ATXN1: variants seen among roughly 807,000 people sequenced by gnomAD.
ATXN1 encodes the protein ataxin-1.
Under a neutral mutation model 56.4 loss-of-function variants are expected in ATXN1, and 8 were observed. The observed-to-expected ratio is 0.14, with a 90% CI of 0.08 to 0.26. The LOEUF is 0.26. Among genes scored for constraint, ATXN1 ranks in the 10% least tolerant of loss-of-function variants. The pLI is 1.00. For synonymous variants in ATXN1, 514 were observed against 494.6 expected (o/e 1.04, Z -0.52); for missense variants, 987 against 1,106.5 (o/e 0.89, Z 1.53).
chr6:16,367,039 C>T (rs1561869069), intron 6 of ATXN1, among the ~76,000 whole-genome samples: 1 of 152,142 alleles, frequency 6.6e-6, no homozygotes, highest in Non-Finnish European at 1.5e-5. Flanking sequence ...CTCTCAATTA[C>T]CCTGGGGGAA....
At chr6:16,400,359 C>A (rs1202567371) in intron 6 of ATXN1, among the ~76,000 whole-genome samples, 2 of 152,064 alleles carry the variant, frequency 1.3e-5, no homozygotes, top group African/African-American at 4.8e-5. Context: ...ACCTCCCAAG[C>A]CCCTGTTCAG....
At chr6:16,528,992 A>G (rs1026792830) in intron 4 of ATXN1, among the ~76,000 whole-genome samples, 3 of 152,280 alleles carry the variant, frequency 2.0e-5, no homozygotes, top group African/African-American at 7.2e-5. Flanking sequence ...CAGCCTGGGC[A>G]ACATGGTGAA....
intron 4 of ATXN1, among the ~76,000 whole-genome samples, chr6:16,583,921 C>T (rs543980450): frequency 6.6e-6 from 1 of 152,208 alleles, no homozygotes; most frequent in Admixed American, 6.5e-5. Context: ...ATGGTTCATG[C>T]CAATACCCTA....
chr6:16,497,481 G>A (rs1161997645), intron 5 of ATXN1, among the ~76,000 whole-genome samples: 1 of 152,196 alleles, frequency 6.6e-6, no homozygotes, highest in African/African-American at 2.4e-5. Flanking sequence ...ATTATCCAAA[G>A]TTAAAAGCAC....
intron 6 of ATXN1, among the ~76,000 whole-genome samples, chr6:16,477,361 A>C (rs1445716628): frequency 1.3e-5 from 2 of 152,338 alleles, no homozygotes; most frequent in Admixed American, 1.3e-4. Context: ...CAGTATTTCT[A>C]TGTTCTTTGG....
At chr6:16,678,981 A>G (rs1001434119) in intron 2 of ATXN1, among the ~76,000 whole-genome samples, 10 of 152,088 alleles carry the variant, frequency 6.6e-5, no homozygotes, top group Non-Finnish European at 7.4e-5. Flanking sequence ...GGTTGCGGTA[A>G]GCCGAGATCA....
intron 4 of ATXN1, among the ~76,000 whole-genome samples, chr6:16,552,442 A>C (rs1257450176): frequency 6.6e-6 from 1 of 152,236 alleles, no homozygotes. Flanking sequence ...TATTGTGCAC[A>C]ACGTTACGTT....
chr6:16,695,299 C>T (rs3812200), intron 2 of ATXN1, among the ~76,000 whole-genome samples: 54,071 of 152,008 alleles, frequency 0.36, 9,820 homozygotes, highest in East Asian at 0.41. Flanking sequence ...AGAAACAAGG[C>T]GTAATTTATC....
intron 2 of ATXN1, among the ~76,000 whole-genome samples, chr6:16,671,928 C>T (rs1268510408): frequency 6.6e-6 from 1 of 152,158 alleles, no homozygotes; most frequent in African/African-American, 2.4e-5. Context: ...TCATTTTAAA[C>T]TAAATGATTA....
intron 3 of ATXN1, among the ~76,000 whole-genome samples, chr6:16,627,763 T>A (rs978250282): frequency 6.6e-6 from 1 of 152,002 alleles, no homozygotes; most frequent in African/African-American, 2.4e-5. Flanking sequence ...GGATCCTCTC[T>A]CAGCAAGTCT....
At chr6:16,385,706 G>C (rs944079066) in intron 6 of ATXN1, among the ~76,000 whole-genome samples, 9 of 152,158 alleles carry the variant, frequency 5.9e-5, no homozygotes, top group African/African-American at 2.2e-4. Context: ...ATACATACCA[G>C]TTGATTCAAC....
At chr6:16,566,375 G>A (rs1210076039) in intron 4 of ATXN1, among the ~76,000 whole-genome samples, 1 of 151,904 alleles carries the variant, frequency 6.6e-6, no homozygotes, top group East Asian at 1.9e-4. Context: ...AATAATTTTT[G>A]TTGGCATTTT....
At chr6:16,308,177 T>G (rs927385836) in intron 7 of ATXN1, among the ~76,000 whole-genome samples, 2 of 151,952 alleles carry the variant, frequency 1.3e-5, no homozygotes, top group African/African-American at 4.8e-5. Flanking sequence ...AATACAAAAA[T>G]TAGCCAGGTG....
At chr6:16,694,420 A>AT (rs1354597644) in intron 2 of ATXN1, among the ~76,000 whole-genome samples, 9 of 151,908 alleles carry the variant, frequency 5.9e-5, no homozygotes, top group African/African-American at 2.2e-4. Flanking sequence ...CGCCCAGCTA[A>AT]TTTTTTGTAT....
intron 6 of ATXN1, among the ~76,000 whole-genome samples, chr6:16,417,661 A>C (rs1417852373): frequency 3.3e-5 from 5 of 151,682 alleles, no homozygotes; most frequent in African/African-American, 9.7e-5. Context: ...GATGGTCTCG[A>C]TCTCCTGACC....
intron 7 of ATXN1, among the ~76,000 whole-genome samples, chr6:16,322,830 A>G (rs1166928633): frequency 6.6e-6 from 1 of 152,184 alleles, no homozygotes; most frequent in Non-Finnish European, 1.5e-5. Context: ...TTTAGCTGTG[A>G]TGATGTCAGC....
intron 7 of ATXN1, among the ~76,000 whole-genome samples, chr6:16,321,656 G>A (rs1483549585): frequency 6.6e-6 from 1 of 152,236 alleles, no homozygotes; most frequent in African/African-American, 2.4e-5. Flanking sequence ...CTGGGACAAT[G>A]CTGGGGGCAT....
chr6:16,367,485 G>T (rs963114662), intron 6 of ATXN1, among the ~76,000 whole-genome samples: 3 of 152,096 alleles, frequency 2.0e-5, no homozygotes, highest in African/African-American at 7.2e-5. Context: ...GCTCACAGTT[G>T]AAGTTGTCTG....
At chr6:16,321,230 C>T (rs893088434) in intron 7 of ATXN1, among the ~76,000 whole-genome samples, 6 of 152,190 alleles carry the variant, frequency 3.9e-5, no homozygotes, top group Admixed American at 6.5e-5. Flanking sequence ...TTGGCTCCCA[C>T]GTTGATGCTA....
Sources: gnomAD v4.1 joint callset for allele counts (sites outside exome capture counted in the v4.1 genomes callset) on GRCh38, gnomAD v4.1.1 for gene constraint, MANE v1.5 for transcripts, NCBI Gene and HGNC (gene_info 2026-07-23, HGNC 2026-07-21) for gene names.